Variants in TFAP4 observed in about 807,000 individuals in gnomAD.
TFAP4 encodes the protein transcription factor AP-4.
In TFAP4, 7 loss-of-function variants were observed where a neutral mutation model predicts 40.4. That is an observed-to-expected ratio of 0.17 (90% CI 0.10 to 0.33). The LOEUF is 0.33. TFAP4 is among the 10% of genes least tolerant of loss of function. The probability of loss-of-function intolerance (pLI) is 1.00; values close to 1 mark genes in which losing one functional copy is unlikely to be tolerated. For missense variants in TFAP4, 374 were observed against 451.1 expected, an observed-to-expected ratio of 0.83 and a Z score of 1.55; for synonymous variants, 218 against 181.4, an observed-to-expected ratio of 1.20 and a Z score of -1.62.
At chr16:4,262,027 C>G (rs2052954610) in intron 3 of TFAP4, 78 bp from the exon 4 acceptor site, 2 of 1,421,516 alleles carry the variant, frequency 1.4e-6, no homozygotes, top group Non-Finnish European at 1.9e-6. Context: ...TCGCAGCCCC[C>G]CAAAGCTGCC....
At chr16:4,260,639 C>T (rs2052939464) in intron 4 of TFAP4, 44 bp from the exon 5 acceptor site, 1 of 1,540,392 alleles carries the variant, frequency 6.5e-7, no homozygotes, top group East Asian at 2.3e-5. Context: ...GCCGGGAGCA[C>T]ACCCTGCCCT....
intron 4 of TFAP4, 151 bp from the exon 5 acceptor site, chr16:4,260,746 C>A (rs1248995758): frequency 3.5e-6 from 3 of 852,378 alleles, no homozygotes; most frequent in Non-Finnish European, 5.1e-6. Flanking sequence ...AGCCCTTCAG[C>A]CCCCGGCTCC....
intron 1 of TFAP4, 59 bp downstream of exon 1, chr16:4,272,599 G>A (rs2053048412): frequency 1.4e-6 from 2 of 1,422,028 alleles, no homozygotes; most frequent in Admixed American, 2.2e-5. Context: ...CGCCCGCCCG[G>A]GCGGGCTGGC....
intron 6 of TFAP4, 100 bp from the exon 7 acceptor site, chr16:4,258,349 A>C: frequency 7.6e-6 from 9 of 1,179,824 alleles, no homozygotes; most frequent in South Asian, 1.5e-5. Flanking sequence ...CCCAAAACAC[A>C]TAGCCCAGAA....
At position 4,260,479 on chromosome 16, in the gene TFAP4, C is replaced by T. The variant is rs749631309; in HGVS notation, c.642G>A (p.Arg214=). 1 of 1,601,950 alleles carries T rather than the reference C, an allele frequency of 6.2e-7. No individual in the cohort carries two copies. Among genetic ancestry groups the T allele is most frequent in the South Asian group, 1.1e-5 (1 of 89,846 alleles). The change falls in exon 5 of 7, where the codon CGG becomes CGA. Residue 214 remains arginine, a synonymous_variant. Coordinates refer to ENST00000204517, the MANE Select transcript of TFAP4 (RefSeq NM_003223.3). The stretch of plus-strand genomic sequence containing the variant: ...CCTGGGTCCGCAGCTGCTGCTGTTC[C>T]CGCTCCAGCTTCTCCTGGTGCAGCA... ...VRLLHQEKLE[R]EQQQLRTQLL...
rs1188752516 is a variant in TFAP4, at chr16:4,257,322, A to G, written c.*733T>C. On this transcript the variant is annotated 3_prime_UTR_variant, in exon 7 of 7. Coordinates refer to ENST00000204517, the MANE Select transcript of TFAP4 (RefSeq NM_003223.3). Reference sequence around the variant, plus strand: ...AGACCTCAAAATTGTAAAAAAAAAAAAAAAAGAAAGAAAAAAAAGAAAAAC... The same window carrying G: ...AGACCTCAAAATTGTAAAAAAAAAAGAAAAAGAAAGAAAAAAAAGAAAAAC... 6.6e-6 allele frequency: 1 copy of G among 151,608 alleles called. No homozygotes were observed. The highest frequency in any genetic ancestry group is 1.5e-5 in the Non-Finnish European group (1 of 67,816). The allele number at this position is 151,608 out of a possible 1,614,324, so 9.4% of individuals were successfully genotyped here. A position where few individuals can be genotyped will look rare whatever the true frequency, so the allele number is the denominator to read the frequency against.
chr16:4,269,492 CAAA>C (rs60856578), intron 1 of TFAP4, among the ~76,000 whole-genome samples: 1 of 43,216 alleles, frequency 2.3e-5, no homozygotes, highest in Non-Finnish European at 4.1e-5. Context: ...GACTCTGCCT[CAAA>C]AAAAAAAAAA....
chr16:4,262,315 AG>A lies in TFAP4; in HGVS notation c.354+8del. 1 of 1,613,948 alleles carries A rather than the reference AG, an allele frequency of 6.2e-7. No homozygotes were observed. Among genetic ancestry groups the A allele is most frequent in the Non-Finnish European group, 8.5e-7 (1 of 1,179,902 alleles). Reference sequence around the variant, plus strand: ...CCAGGGAGAGGGAGCCATGAAGGACAGGGCGCACCTGGATGAAGCGCTTGAG... The same window carrying A: ...CCAGGGAGAGGGAGCCATGAAGGACAGGCGCACCTGGATGAAGCGCTTGAG... On this transcript the variant is annotated splice_region_variant and intron_variant, in intron 3 of 6. Transcript: ENST00000204517.
At chr16:4,262,876 G>A in intron 1 of TFAP4, 175 bp from the exon 2 acceptor site, 3 of 693,604 alleles carry the variant, frequency 4.3e-6, no homozygotes, top group South Asian at 1.8e-5. Flanking sequence ...AGCTGGCTGC[G>A]GGTAAGATAG....
intron 1 of TFAP4, among the ~76,000 whole-genome samples, chr16:4,271,094 T>C (rs1411159674): frequency 6.6e-6 from 1 of 152,260 alleles, no homozygotes; most frequent in South Asian, 2.1e-4. Flanking sequence ...GTGGGCCTCG[T>C]GCAAGGGCCA....
chr16:4,258,479 T>G (rs765888173), intron 6 of TFAP4: 3 of 437,418 alleles, frequency 6.9e-6, no homozygotes, highest in Non-Finnish European at 1.2e-5. Flanking sequence ...AGTGGCATGA[T>G]CATAGCTTAC....
chr16:4,264,726 T>C (rs949692682), intron 1 of TFAP4: 2 of 151,770 alleles, frequency 1.3e-5, no homozygotes, highest in African/African-American at 4.9e-5. Flanking sequence ...TAGGGCGGAG[T>C]CCAGGCTCCC....
chr16:4,265,513 G>A (rs1053827990), intron 1 of TFAP4: 2 of 150,938 alleles, frequency 1.3e-5, no homozygotes, highest in African/African-American at 4.9e-5. Context: ...AGGAGGCTAA[G>A]GTGGGAGGAT....
chr16:4,271,277 C>G (rs1317827122), intron 1 of TFAP4, among the ~76,000 whole-genome samples: 1 of 152,248 alleles, frequency 6.6e-6, no homozygotes, highest in Non-Finnish European at 1.5e-5. Flanking sequence ...CAGGCGCTAG[C>G]GTCCACCAGC....
At chr16:4,264,706 G>C (rs1464725129) in intron 1 of TFAP4, 1 of 152,354 alleles carries the variant, frequency 6.6e-6, no homozygotes, top group African/African-American at 2.4e-5. Flanking sequence ...GGCTGTGTGT[G>C]GCCCAGCCTT....
At chr16:4,267,492 C>T (rs759071885) in intron 1 of TFAP4, among the ~76,000 whole-genome samples, 2 of 152,284 alleles carry the variant, frequency 1.3e-5, no homozygotes, top group African/African-American at 4.8e-5. Flanking sequence ...CCTACCACCA[C>T]AGCACCCACA....
intron 1 of TFAP4, among the ~76,000 whole-genome samples, chr16:4,267,486 C>T (rs1453270591): frequency 1.1e-4 from 16 of 152,274 alleles, no homozygotes. Context: ...GCCACACCTA[C>T]CACCACAGCA....
At position 4,257,827 on chromosome 16, in the gene TFAP4, C is replaced by T. The variant is rs2052908838; in HGVS notation, c.*228G>A. 1 of 469,504 alleles carries T rather than the reference C, an allele frequency of 2.1e-6. No individual in the cohort carries two copies. The highest frequency in any genetic ancestry group is 3.7e-6 in the Non-Finnish European group (1 of 267,150). The allele number at this position is 469,504 out of a possible 1,614,324, so 29.1% of individuals were successfully genotyped here. A position where few individuals can be genotyped will look rare whatever the true frequency, so the allele number is the denominator to read the frequency against. On this transcript the variant is annotated 3_prime_UTR_variant, in exon 7 of 7. Coordinates refer to ENST00000204517, the MANE Select transcript of TFAP4 (RefSeq NM_003223.3). ...CCAGCCCCCGGGGCCGAGGCCCCGC[C>T]CTGGGGTGCCGATGCTCCCACACGC...
rs377249379 is a variant in TFAP4, at chr16:4,261,915, G to A, written c.389C>T (p.Ala130Val). The A allele has an allele frequency of 6.1e-5, 98 of 1,610,178 alleles. No individual in the cohort carries two copies. The highest frequency in any genetic ancestry group is 7.7e-5 in the Non-Finnish European group (91 of 1,178,574). ...GCCTATGCCTTCGTCCTTGTCCTCT[G>A]CCCGCCGTCGCTTGGGGGACGAGCC... is the stretch of plus-strand genomic sequence containing the variant. ...LSGSSPKRRR[A>V]EDKDEGIGSP... The change falls in exon 4 of 7, where the codon GCA becomes GTA. Residue 130 changes from alanine to valine, a missense_variant. Ala to Val is a moderately conservative substitution (Grantham distance 64). Coordinates refer to ENST00000204517, the MANE Select transcript of TFAP4 (RefSeq NM_003223.3).
Sources: gnomAD v4.1 joint callset for allele counts (sites outside exome capture counted in the v4.1 genomes callset) on GRCh38, gnomAD v4.1.1 for gene constraint, MANE v1.5 for transcripts, NCBI Gene and HGNC (gene_info 2026-07-23, HGNC 2026-07-21) for gene names.